Variants in LRGUK observed in about 807,000 individuals in gnomAD.
The protein encoded by LRGUK is leucine-rich repeat and guanylate kinase domain-containing protein.
A neutral mutation model predicts 76.0 loss-of-function variants in LRGUK; 65 were observed. The observed-to-expected ratio is 0.85, with a 90% CI of 0.70 to 1.05. The LOEUF is 1.05. Among genes scored for constraint, LRGUK ranks in the 50% least tolerant of loss-of-function variants. LRGUK has a pLI of 0.00. For missense variants in LRGUK, 758 were observed against 732.8 expected (o/e 1.03, Z -0.40); for synonymous variants, 268 against 265.6 (o/e 1.01, Z -0.09).
the LRGUK span, among the ~76,000 whole-genome samples, chr7:134,274,643 T>C: frequency 6.6e-6 from 1 of 152,200 alleles, no homozygotes; most frequent in African/African-American, 2.4e-5. Context: ...TAAATTTTGA[T>C]GTTATGTTAA....
chr7:134,136,147 T>C (rs904284459), intron 1 of LRGUK, among the ~76,000 whole-genome samples: 4 of 152,222 alleles, frequency 2.6e-5, no homozygotes, highest in Non-Finnish European at 5.9e-5. Flanking sequence ...TGTTCTCATG[T>C]TGATGTCAGT....
intron 9 of LRGUK, 126 bp downstream of exon 9, chr7:134,177,189 T>A (rs1264426202): frequency 1.4e-5 from 8 of 589,068 alleles, no homozygotes; most frequent in Non-Finnish European, 2.4e-5. Context: ...CATTAATTCA[T>A]TTAGGGAATG....
At chr7:134,241,361 T>C (rs1170832879) in intron 16 of LRGUK, among the ~76,000 whole-genome samples, 2 of 152,046 alleles carry the variant, frequency 1.3e-5, no homozygotes, top group African/African-American at 4.8e-5. Flanking sequence ...GAGGAAGATC[T>C]ACCAAGCAAA....
At chr7:134,135,758 C>T (rs933297556) in intron 1 of LRGUK, among the ~76,000 whole-genome samples, 1 of 152,166 alleles carries the variant, frequency 6.6e-6, no homozygotes, top group African/African-American at 2.4e-5. Flanking sequence ...TGGGTTCACG[C>T]CATTCTCCTG....
At chr7:134,226,262 T>TGTGTGTG (rs1801759800) in intron 16 of LRGUK, among the ~76,000 whole-genome samples, 2 of 97,892 alleles carry the variant, frequency 2.0e-5, no homozygotes. Context: ...GTGTGTGTGT[T>TGTGTGTG]TCTGGTTCTG....
At chr7:134,159,764 G>C (rs1250739182) in intron 6 of LRGUK, among the ~76,000 whole-genome samples, 1 of 152,188 alleles carries the variant, frequency 6.6e-6, no homozygotes, top group South Asian at 2.1e-4. Context: ...ACTCCAGTCT[G>C]GGTGACAGAG....
chr7:134,191,578 C>T (rs1183210266), intron 11 of LRGUK, 77 bp from the exon 12 acceptor site: 1 of 967,856 alleles, frequency 1.0e-6, no homozygotes, highest in Admixed American at 2.2e-5. Flanking sequence ...TTTTTTAAAA[C>T]ATAATTTATA....
chr7:134,141,149 G>GGATGGC (rs1417631764), intron 3 of LRGUK, among the ~76,000 whole-genome samples: 1 of 152,126 alleles, frequency 6.6e-6, no homozygotes, highest in Non-Finnish European at 1.5e-5. Context: ...CACTAACCTT[G>GGATGGC]GATGGCACAT....
At chr7:134,131,163 G>A (rs764974335) in intron 1 of LRGUK, among the ~76,000 whole-genome samples, 7 of 152,140 alleles carry the variant, frequency 4.6e-5, no homozygotes, top group Non-Finnish European at 1.0e-4. Flanking sequence ...CTTCTTTTCA[G>A]TCCCTTTATA....
intron 3 of LRGUK, 57 bp downstream of exon 3, chr7:134,139,574 A>G: frequency 5.5e-6 from 6 of 1,095,070 alleles, no homozygotes; most frequent in Non-Finnish European, 6.9e-6. Flanking sequence ...TAAACGTTGC[A>G]GTATGTAATA....
At chr7:134,245,380 C>T (rs1350116316) in intron 16 of LRGUK, among the ~76,000 whole-genome samples, 1 of 152,086 alleles carries the variant, frequency 6.6e-6, no homozygotes, top group Non-Finnish European at 1.5e-5. Context: ...TTTCAGTCAC[C>T]ATGCTGCTTC....
chr7:134,134,530 T>G (rs1363392044), intron 1 of LRGUK, among the ~76,000 whole-genome samples: 2 of 152,134 alleles, frequency 1.3e-5, no homozygotes, highest in Non-Finnish European at 2.9e-5. Context: ...TTGTGCAGAG[T>G]GCTGCCTTCC....
chr7:134,197,193 A>G (rs1054017764), intron 13 of LRGUK, 88 bp downstream of exon 13: 3 of 738,620 alleles, frequency 4.1e-6, no homozygotes, highest in Non-Finnish European at 6.9e-6. Flanking sequence ...GTATATATGT[A>G]TAAACTTTTT....
intron 10 of LRGUK, among the ~76,000 whole-genome samples, chr7:134,180,035 C>A (rs1799671633): frequency 6.6e-6 from 1 of 152,150 alleles, no homozygotes; most frequent in Non-Finnish European, 1.5e-5. Context: ...CATGGCCAAA[C>A]CTTGACTCTG....
chr7:134,179,938 G>A (rs546706948), intron 10 of LRGUK, among the ~76,000 whole-genome samples: 1 of 152,284 alleles, frequency 6.6e-6, no homozygotes, highest in Admixed American at 6.5e-5. Context: ...CCCAACCCTT[G>A]GCTTTGGGAC....
At chr7:134,187,938 T>C (rs1800042996) in intron 11 of LRGUK, among the ~76,000 whole-genome samples, 2 of 152,148 alleles carry the variant, frequency 1.3e-5, no homozygotes, top group South Asian at 4.1e-4. Context: ...TATAATAGAG[T>C]AAAATAAAAG....
At chr7:134,183,552 A>G (rs186022501) in intron 10 of LRGUK, among the ~76,000 whole-genome samples, 182 bp from the exon 11 acceptor site, 2 of 152,356 alleles carry the variant, frequency 1.3e-5, no homozygotes, top group East Asian at 1.9e-4. Flanking sequence ...TTTGTTATCT[A>G]TGCTTTGAAT....
At chr7:134,240,834 A>G (rs1563196955) in intron 16 of LRGUK, among the ~76,000 whole-genome samples, 1 of 152,258 alleles carries the variant, frequency 6.6e-6, no homozygotes, top group Non-Finnish European at 1.5e-5. Context: ...AGGGAAGCCC[A>G]TCAGAATAAC....
chr7:134,251,231 T>G (rs747185703), intron 18 of LRGUK, among the ~76,000 whole-genome samples: 9 of 152,124 alleles, frequency 5.9e-5, no homozygotes, highest in Non-Finnish European at 1.0e-4. Context: ...GGTGGGCTCC[T>G]AAGCCAATAA....
Sources: allele counts gnomAD v4.1 joint callset (sites outside exome capture counted in the v4.1 genomes callset), GRCh38; gene constraint gnomAD v4.1.1; transcripts MANE v1.5; gene names NCBI Gene and HGNC (gene_info 2026-07-23, HGNC 2026-07-21).